XYLT1: variants seen among roughly 807,000 people sequenced by gnomAD.
XYLT1 encodes xylosyltransferase 1, also known as beta-D-xylosyltransferase 1.
XYLT1 carries 36 observed loss-of-function variants against 91.3 expected under a neutral mutation model. The ratio of observed to expected loss-of-function variants is 0.39; its 90% CI spans 0.30 to 0.52. XYLT1 has a LOEUF of 0.52. Ranked by LOEUF, XYLT1 falls within the 20% of genes least tolerant of loss-of-function variation. XYLT1 has a pLI of 0.68. For synonymous variants in XYLT1, 588 were observed against 532.0 expected, an observed-to-expected ratio of 1.11 and a Z score of -1.45; for missense variants, 1,242 against 1,284.5, an observed-to-expected ratio of 0.97 and a Z score of 0.51.
chr16:17,137,493 A>ATATT (rs1269504829), intron 8 of XYLT1: 4 of 152,366 alleles, frequency 2.6e-5, no homozygotes, highest in East Asian at 1.9e-4. Context: ...AGTGGCACTC[A>ATATT]TATTTGTGCT....
At chr16:17,347,812 A>G (rs915842746) in intron 2 of XYLT1, among the ~76,000 whole-genome samples, 1 of 152,248 alleles carries the variant, frequency 6.6e-6, no homozygotes, top group East Asian at 1.9e-4. Context: ...GAGATTCTTT[A>G]TAAGGAAAAC....
chr16:17,112,190 C>T (rs931359652), intron 11 of XYLT1, among the ~76,000 whole-genome samples: 4 of 152,172 alleles, frequency 2.6e-5, no homozygotes, highest in Admixed American at 2.6e-4. Context: ...TTGCGATGCT[C>T]GTCTCTATAA....
chr16:17,373,298 G>A (rs945042916), intron 1 of XYLT1, among the ~76,000 whole-genome samples: 1 of 152,168 alleles, frequency 6.6e-6, no homozygotes, highest in African/African-American at 2.4e-5. Flanking sequence ...AGCGTCTACA[G>A]TGCTCGGGCC....
chr16:17,219,660 G>A (rs906552643), intron 3 of XYLT1, among the ~76,000 whole-genome samples: 1 of 152,128 alleles, frequency 6.6e-6, no homozygotes, highest in Non-Finnish European at 1.5e-5. Flanking sequence ...TTCTCTTTTT[G>A]AGATGGAGTC....
chr16:17,408,757 A>G (rs1441066924), intron 1 of XYLT1, among the ~76,000 whole-genome samples: 1 of 152,206 alleles, frequency 6.6e-6, no homozygotes, highest in African/African-American at 2.4e-5. Flanking sequence ...GAGGCAGGAG[A>G]ATCGCTTGAA....
chr16:17,338,048 G>A (rs1300455804), intron 2 of XYLT1: 18 of 389,238 alleles, frequency 4.6e-5, no homozygotes, highest in South Asian at 7.6e-5. Context: ...GATTATAGGC[G>A]TGAGCCACCG....
chr16:17,362,724 G>A (rs905544345), intron 1 of XYLT1, among the ~76,000 whole-genome samples: 5 of 152,220 alleles, frequency 3.3e-5, no homozygotes, highest in African/African-American at 1.2e-4. Context: ...TCTGAGCCCT[G>A]AGCTAAGCCT....
chr16:17,349,432 TCACCTGG>T (rs995992761), intron 2 of XYLT1, among the ~76,000 whole-genome samples: 1 of 152,168 alleles, frequency 6.6e-6, no homozygotes, highest in Non-Finnish European at 1.5e-5. Flanking sequence ...ATTTCATTTG[TCACCTGG>T]CTCTAGTTTA....
intron 2 of XYLT1, among the ~76,000 whole-genome samples, chr16:17,340,316 CG>C (rs2035047905): frequency 6.6e-6 from 1 of 152,178 alleles, no homozygotes; most frequent in South Asian, 2.1e-4. Flanking sequence ...CTTGTATGGC[CG>C]TGGGCATGTC....
chr16:17,361,135 A>G (rs1176637958), intron 1 of XYLT1, among the ~76,000 whole-genome samples: 1 of 152,196 alleles, frequency 6.6e-6, no homozygotes, highest in African/African-American at 2.4e-5. Flanking sequence ...GCTTTGCCCA[A>G]TGGGAGGTTA....
intron 3 of XYLT1, among the ~76,000 whole-genome samples, chr16:17,230,132 C>G (rs1291487279): frequency 6.6e-6 from 1 of 152,194 alleles, no homozygotes; most frequent in Non-Finnish European, 1.5e-5. Context: ...CTTCTGACCT[C>G]CAGAACTCTC....
chr16:17,187,393 C>CAAAAAAAA (rs71137979), intron 5 of XYLT1, among the ~76,000 whole-genome samples: 7 of 55,302 alleles, frequency 1.3e-4, no homozygotes, highest in Non-Finnish European at 2.2e-4. Flanking sequence ...GACTCAGTTT[C>CAAAAAAAA]AAAAAAAAAA....
intron 11 of XYLT1, 91 bp from the exon 12 acceptor site, chr16:17,109,108 GC>G: frequency 8.3e-7 from 1 of 1,207,066 alleles, no homozygotes; most frequent in Non-Finnish European, 1.1e-6. Context: ...TGCACTGGGT[GC>G]CATGCATCGC....
chr16:17,303,177 G>A (rs542387500), intron 2 of XYLT1, among the ~76,000 whole-genome samples: 4 of 152,296 alleles, frequency 2.6e-5, no homozygotes, highest in South Asian at 2.1e-4. Flanking sequence ...AAATAATGAC[G>A]TGGTTCCTGC....
intron 6 of XYLT1, among the ~76,000 whole-genome samples, chr16:17,144,529 G>C (rs891683802): frequency 1.3e-5 from 2 of 152,210 alleles, no homozygotes; most frequent in African/African-American, 4.8e-5. Flanking sequence ...GGCAGGGCTT[G>C]AGTCAGACTA....
At position 17,469,152 on chromosome 16, in the gene XYLT1, G is replaced by A. The variant is rs117385393; in HGVS notation, c.363+1282C>T. Reference sequence around the variant, plus strand: ...AGGCATGAAGAGCTGCACTCCGGCAGAAAGGGTCGCACAGACTCCGAAGAA... The same window carrying A: ...AGGCATGAAGAGCTGCACTCCGGCAAAAAGGGTCGCACAGACTCCGAAGAA... On this transcript the variant is annotated intron_variant, in intron 1 of 11. Coordinates refer to ENST00000261381, the MANE Select transcript of XYLT1 (RefSeq NM_022166.4). 3.6e-3 allele frequency among the ~76,000 whole-genome samples: 547 copies of A among 152,342 alleles called. 1 individual carries two copies. Among genetic ancestry groups the A allele is most frequent in the Non-Finnish European group, 5.0e-3 (341 of 68,038 alleles).
At chr16:17,451,056 G>T (rs1189864428) in intron 1 of XYLT1, among the ~76,000 whole-genome samples, 5 of 152,166 alleles carry the variant, frequency 3.3e-5, no homozygotes, top group Non-Finnish European at 5.9e-5. Flanking sequence ...AGGGACTCTG[G>T]GAAGGTTGTT....
intron 1 of XYLT1, among the ~76,000 whole-genome samples, chr16:17,448,632 T>A (rs1204145646): frequency 7.1e-6 from 1 of 140,324 alleles, no homozygotes; most frequent in Non-Finnish European, 1.5e-5. Context: ...TTCCTCCTCC[T>A]CCTACAAGAA....
intron 1 of XYLT1, among the ~76,000 whole-genome samples, chr16:17,376,225 G>A (rs1300470179): frequency 1.3e-5 from 2 of 152,206 alleles, no homozygotes; most frequent in Non-Finnish European, 2.9e-5. Flanking sequence ...TTGAAAGGGA[G>A]CGTGTACTGG....
Sources: allele counts gnomAD v4.1 joint callset (sites outside exome capture counted in the v4.1 genomes callset), GRCh38; gene constraint gnomAD v4.1.1; transcripts MANE v1.5; gene names NCBI Gene and HGNC (gene_info 2026-07-23, HGNC 2026-07-21).